NLGN1: variants seen among roughly 807,000 people sequenced by gnomAD.
NLGN1 encodes neuroligin 1, also known as neuroligin-1.
A neutral mutation model predicts 65.5 loss-of-function variants in NLGN1; 12 were observed. The observed-to-expected ratio is 0.18, with a 90% CI of 0.12 to 0.30. The LOEUF (loss-of-function observed/expected upper bound fraction) is 0.30. NLGN1 is among the 10% of genes least tolerant of loss of function. NLGN1 has a pLI of 1.00. For missense variants in NLGN1, 750 were observed against 1,007.1 expected (o/e 0.74, Z 3.46); for synonymous variants, 350 against 359.5 (o/e 0.97, Z 0.30).
Position 173,806,115 on chromosome 3 carries a change from G to A in NLGN1, c.494-1565G>A, listed in dbSNP as rs143722816. 1.2e-4 allele frequency among the ~76,000 whole-genome samples: 19 copies of A among 152,162 alleles called. No individual in the cohort carries two copies. The East Asian group carries it at 3.7e-3, about 29-fold the overall frequency. On this transcript the variant is annotated intron_variant, in intron 3 of 6. Transcript: ENST00000457714. The stretch of plus-strand genomic sequence containing the variant: ...AGGGGTACTAGTAACTTTATACACT[G>A]GTATTAAGTCAAATTTAAATAGTCT...
intron 3 of NLGN1, among the ~76,000 whole-genome samples, chr3:173,655,890 A>G (rs1002005821): frequency 1.3e-5 from 2 of 152,196 alleles, no homozygotes; most frequent in Non-Finnish European, 2.9e-5. Flanking sequence ...GACAAAATGC[A>G]CAGACAAAGC....
intron 1 of NLGN1, among the ~76,000 whole-genome samples, chr3:173,398,852 G>C (rs776729275): frequency 6.6e-6 from 1 of 152,082 alleles, no homozygotes; most frequent in Non-Finnish European, 1.5e-5. Flanking sequence ...TTGTCATGCT[G>C]TACATGAAAA....
chr3:173,788,733 A>T (rs1457235250), intron 3 of NLGN1, among the ~76,000 whole-genome samples: 3 of 147,870 alleles, frequency 2.0e-5, no homozygotes, highest in Non-Finnish European at 4.5e-5. Context: ...AGGCAGGAGG[A>T]TCACTTGAGC....
At chr3:174,146,871 A>G (rs1723383992) in intron 4 of NLGN1, among the ~76,000 whole-genome samples, 1 of 152,156 alleles carries the variant, frequency 6.6e-6, no homozygotes, top group Non-Finnish European at 1.5e-5. Context: ...CCGGGCTGAC[A>G]TGAATCTTAA....
At chr3:173,500,678 G>A (rs1455054119) in intron 2 of NLGN1, among the ~76,000 whole-genome samples, 2 of 151,930 alleles carry the variant, frequency 1.3e-5, no homozygotes, top group African/African-American at 4.8e-5. Context: ...AATTCATCTG[G>A]TCCTGGACAT....
chr3:173,705,753 T>A (rs1767953808), intron 3 of NLGN1, among the ~76,000 whole-genome samples: 1 of 152,254 alleles, frequency 6.6e-6, no homozygotes, highest in East Asian at 1.9e-4. Context: ...ATCCTTTTTT[T>A]TTTCTTCCTA....
intron 4 of NLGN1, among the ~76,000 whole-genome samples, chr3:174,119,366 A>G (rs1239670914): frequency 6.6e-6 from 1 of 152,180 alleles, no homozygotes; most frequent in Non-Finnish European, 1.5e-5. Flanking sequence ...AACATCTTCT[A>G]CATTATGCAT....
chr3:173,719,530 A>G (rs1770464107), intron 3 of NLGN1, among the ~76,000 whole-genome samples: 1 of 152,166 alleles, frequency 6.6e-6, no homozygotes, highest in South Asian at 2.1e-4. Context: ...CTTACATCAC[A>G]ATTAGAGCCT....
chr3:174,258,289 G>A (rs779934738), intron 4 of NLGN1, among the ~76,000 whole-genome samples: 4 of 152,010 alleles, frequency 2.6e-5, no homozygotes, highest in Admixed American at 6.6e-5. Context: ...AAGAACCCAC[G>A]AGTCCATAAT....
At chr3:173,768,912 G>A (rs905322529) in intron 3 of NLGN1, among the ~76,000 whole-genome samples, 2 of 151,960 alleles carry the variant, frequency 1.3e-5, no homozygotes, top group African/African-American at 4.8e-5. Context: ...AAGTAGCTGG[G>A]ACTACAGGCA....
intron 3 of NLGN1, among the ~76,000 whole-genome samples, chr3:173,708,277 C>G (rs1320844774): frequency 1.3e-5 from 2 of 152,118 alleles, no homozygotes; most frequent in African/African-American, 4.8e-5. Context: ...ATCCTCTGAC[C>G]CTTGGACTCC....
intron 4 of NLGN1, among the ~76,000 whole-genome samples, chr3:174,197,534 AAAAG>A (rs899209722): frequency 1.3e-5 from 2 of 151,086 alleles, no homozygotes; most frequent in African/African-American, 2.4e-5. Context: ...AAAAAAAAAA[AAAAG>A]GAGAATCCAG....
chr3:173,953,529 A>C (rs1239390901), intron 4 of NLGN1, among the ~76,000 whole-genome samples: 1 of 151,930 alleles, frequency 6.6e-6, no homozygotes, highest in Non-Finnish European at 1.5e-5. Flanking sequence ...TTATTTATTT[A>C]TTTATATACT....
Position 174,200,693 on chromosome 3 carries a change from C to A in NLGN1, c.647-74622C>A, listed in dbSNP as rs1734288741. 2.0e-5 allele frequency among the ~76,000 whole-genome samples: 3 copies of A among 152,126 alleles called. No individual in the cohort carries two copies. In the South Asian group the frequency reaches 6.2e-4, roughly 32 times the overall value. ...ATCACAAAGCAATAATATTAACAAT[C>A]TTTTCTTTTATATGCACTTTTACCT... On this transcript the variant is annotated intron_variant, in intron 4 of 6. Coordinates refer to ENST00000457714, the Ensembl canonical transcript of NLGN1.
intron 2 of NLGN1, among the ~76,000 whole-genome samples, chr3:173,469,691 G>A (rs1370897839): frequency 6.6e-6 from 1 of 150,956 alleles, no homozygotes; most frequent in African/African-American, 2.4e-5. Flanking sequence ...CGTCTGTGTA[G>A]TTCCAAAACA....
intron 1 of NLGN1, among the ~76,000 whole-genome samples, chr3:173,409,454 T>C (rs13069313): frequency 2.6e-5 from 4 of 152,148 alleles, no homozygotes; most frequent in African/African-American, 9.7e-5. Context: ...CACTGGCCCC[T>C]AGAAAACGTG....
chr3:174,189,857 A>G (rs1446062573), intron 4 of NLGN1, among the ~76,000 whole-genome samples: 2 of 152,038 alleles, frequency 1.3e-5, no homozygotes, highest in Non-Finnish European at 2.9e-5. Context: ...TTAACAAATG[A>G]GGGAATAAGG....
At chr3:173,430,615 T>A (rs192756873) in intron 1 of NLGN1, among the ~76,000 whole-genome samples, 1 of 152,338 alleles carries the variant, frequency 6.6e-6, no homozygotes, top group East Asian at 1.9e-4. Context: ...TCTAAATCTC[T>A]TGTTAAAACT....
intron 4 of NLGN1, among the ~76,000 whole-genome samples, chr3:174,059,129 G>A (rs373074847): frequency 6.6e-6 from 1 of 152,048 alleles, no homozygotes; most frequent in East Asian, 1.9e-4. Context: ...CTCCATCTGT[G>A]CTCACTACCA....
Sources: gnomAD v4.1 joint callset for allele counts (sites outside exome capture counted in the v4.1 genomes callset) on GRCh38, gnomAD v4.1.1 for gene constraint, MANE v1.5 for transcripts, NCBI Gene and HGNC (gene_info 2026-07-23, HGNC 2026-07-21) for gene names.